PPM1L: variants seen among roughly 807,000 people sequenced by gnomAD.
The protein encoded by PPM1L is protein phosphatase, Mg2+/Mn2+ dependent 1L.
A neutral mutation model predicts 31.4 loss-of-function variants in PPM1L; 13 were observed. The observed-to-expected ratio is 0.41, with a 90% CI of 0.27 to 0.66. The LOEUF (loss-of-function observed/expected upper bound fraction) is 0.66. Ranked by LOEUF, PPM1L falls within the 30% of genes least tolerant of loss-of-function variation. The pLI, the probability that PPM1L is intolerant of heterozygous loss-of-function variation, is 0.29. For missense variants in PPM1L, 326 were observed against 453.7 expected (o/e 0.72, Z 2.56); for synonymous variants, 184 against 175.4 (o/e 1.05, Z -0.39).
chr3:161,016,192 G>C (rs971365014), intron 2 of PPM1L, among the ~76,000 whole-genome samples: 1 of 152,086 alleles, frequency 6.6e-6, no homozygotes, highest in Non-Finnish European at 1.5e-5. Context: ...TTGAGTGGAG[G>C]CATTCTATCT....
intron 1 of PPM1L, among the ~76,000 whole-genome samples, chr3:160,845,096 A>G (rs1344455916): frequency 2.6e-5 from 4 of 152,160 alleles, no homozygotes; most frequent in Admixed American, 2.0e-4. Flanking sequence ...TTCATTGCAG[A>G]ATAATATTCC....
At chr3:160,943,296 T>C (rs931839859) in intron 1 of PPM1L, among the ~76,000 whole-genome samples, 1 of 152,208 alleles carries the variant, frequency 6.6e-6, no homozygotes, top group Non-Finnish European at 1.5e-5. Context: ...TGTGCATTCT[T>C]TTTGAAAAAC....
chr3:160,762,975 A>G (rs997447663), intron 1 of PPM1L, among the ~76,000 whole-genome samples: 1 of 152,208 alleles, frequency 6.6e-6, no homozygotes, highest in Non-Finnish European at 1.5e-5. Context: ...ACTTCATATC[A>G]GCACCGGGAG....
chr3:160,905,712 A>G (rs1482830830), intron 1 of PPM1L, among the ~76,000 whole-genome samples: 1 of 152,192 alleles, frequency 6.6e-6, no homozygotes, highest in Non-Finnish European at 1.5e-5. Context: ...AAATACATCT[A>G]GCTTTTTATG....
chr3:161,014,132 A>T (rs1216902822), intron 2 of PPM1L, among the ~76,000 whole-genome samples: 1 of 152,064 alleles, frequency 6.6e-6, no homozygotes, highest in Non-Finnish European at 1.5e-5. Context: ...GGTCTTTACA[A>T]TTTTGCATGT....
chr3:160,869,810 A>C lies in PPM1L; in HGVS notation c.400-91926A>C, dbSNP rs576276620. Reference sequence around the variant, plus strand: ...CTTAAAAGATATTATTGCAAACATGACTGGGTATGGGAATGTTCTCTCCAG... The same window carrying C: ...CTTAAAAGATATTATTGCAAACATGCCTGGGTATGGGAATGTTCTCTCCAG... On this transcript the variant is annotated intron_variant, in intron 1 of 3. Transcript: ENST00000498165. Among the ~76,000 whole-genome samples, 490 of 152,142 alleles carry C rather than the reference A, an allele frequency of 3.2e-3. 2 individuals are homozygous for C. The highest frequency in any genetic ancestry group is 6.3e-3 in the Non-Finnish European group (428 of 68,004).
intron 1 of PPM1L, among the ~76,000 whole-genome samples, chr3:160,946,914 C>A (rs1311661926): frequency 2.0e-5 from 3 of 152,136 alleles, no homozygotes; most frequent in Non-Finnish European, 1.5e-5. Context: ...AAAATAATAT[C>A]TTTTCTGACT....
chr3:160,913,295 G>A (rs928624312), intron 1 of PPM1L, among the ~76,000 whole-genome samples: 2 of 152,096 alleles, frequency 1.3e-5, no homozygotes, highest in Non-Finnish European at 2.9e-5. Context: ...AGGAAATCTA[G>A]CCCACCTTGG....
intron 1 of PPM1L, among the ~76,000 whole-genome samples, chr3:160,765,816 C>T (rs142486050): frequency 3.7e-4 from 57 of 152,182 alleles, no homozygotes; most frequent in African/African-American, 1.1e-3. Flanking sequence ...ATTCAAGCTT[C>T]GACTTTTTTT....
chr3:160,800,011 A>G lies in PPM1L; in HGVS notation c.399+43304A>G, dbSNP rs537551097. On this transcript the variant is annotated intron_variant, in intron 1 of 3. Transcript: ENST00000498165. ...GGACACTACTTGGTCTGCATTTGGT[A>G]GTCAATAAACATTTGTTAAATGCAT... Among the ~76,000 whole-genome samples, 5 of 152,310 alleles carry G rather than the reference A, an allele frequency of 3.3e-5. No individual in the cohort carries two copies. In the East Asian group the frequency reaches 9.6e-4, roughly 29 times the overall value.
intron 2 of PPM1L, among the ~76,000 whole-genome samples, chr3:160,967,302 A>G (rs1716183684): frequency 6.6e-6 from 1 of 152,020 alleles, no homozygotes; most frequent in Non-Finnish European, 1.5e-5. Context: ...ATTTCTTCAT[A>G]GCAGTATGAA....
chr3:160,902,225 C>T (rs374107734), intron 1 of PPM1L, among the ~76,000 whole-genome samples: 123 of 152,168 alleles, frequency 8.1e-4, no homozygotes, highest in African/African-American at 2.9e-3. Flanking sequence ...TATGAATTTT[C>T]AGAGCCTCTT....
intron 1 of PPM1L, among the ~76,000 whole-genome samples, chr3:160,934,278 A>G (rs1714884959): frequency 6.6e-6 from 1 of 152,244 alleles, no homozygotes; most frequent in Non-Finnish European, 1.5e-5. Flanking sequence ...CTGTGACCAA[A>G]GTCAAATAAG....
intron 2 of PPM1L, among the ~76,000 whole-genome samples, chr3:160,988,360 A>G (rs1487277225): frequency 6.6e-6 from 1 of 152,210 alleles, no homozygotes; most frequent in African/African-American, 2.4e-5. Context: ...GACCTTAAGC[A>G]AAATCAAAAA....
At chr3:160,890,406 A>T (rs1242152680) in intron 1 of PPM1L, among the ~76,000 whole-genome samples, 1 of 152,282 alleles carries the variant, frequency 6.6e-6, no homozygotes, top group East Asian at 1.9e-4. Context: ...AAAGAGAATA[A>T]AATACCTAGG....
At chr3:160,790,450 A>G (rs1712071418) in intron 1 of PPM1L, among the ~76,000 whole-genome samples, 1 of 152,136 alleles carries the variant, frequency 6.6e-6, no homozygotes, top group Non-Finnish European at 1.5e-5. Flanking sequence ...ACAAGAGAAA[A>G]TAAGCTGGGG....
rs1438359374 is a variant in PPM1L at position 160,944,816 on chromosome 3, A to ATAACATATATGTTATATATAACATG, written c.400-16918_400-16917insACATATATGTTATATATAACATGTA. Among the ~76,000 whole-genome samples, 107 of 23,822 alleles carry ATAACATATATGTTATATATAACATG rather than the reference A, an allele frequency of 4.5e-3. 5 individuals carry two copies. The highest frequency in any genetic ancestry group is 0.01 in the African/African-American group (105 of 10,484). 15.6% of individuals were successfully genotyped at this position (23,822 alleles called of 152,430 possible). A position where few individuals can be genotyped will look rare whatever the true frequency, so the allele number is the denominator to read the frequency against. On this transcript the variant is annotated intron_variant, in intron 1 of 3. Coordinates refer to ENST00000498165, the MANE Select transcript of PPM1L (RefSeq NM_139245.4). ...GTTATATATAACATATATAACATAT[A>ATAACATATATGTTATATATAACATG]TATGTTATATATAACATATATATGT...
At chr3:160,855,510 C>T (rs1711661587) in intron 1 of PPM1L, among the ~76,000 whole-genome samples, 1 of 152,106 alleles carries the variant, frequency 6.6e-6, no homozygotes, top group South Asian at 2.1e-4. Flanking sequence ...CTGTAAGGAA[C>T]TTAAATTAAC....
intron 2 of PPM1L, among the ~76,000 whole-genome samples, chr3:161,059,466 A>G (rs1719511780): frequency 6.6e-6 from 1 of 152,176 alleles, no homozygotes; most frequent in Non-Finnish European, 1.5e-5. Context: ...TCCATTGTGT[A>G]CTGAACTGGG....
Sources: gnomAD v4.1 joint callset for allele counts (sites outside exome capture counted in the v4.1 genomes callset) on GRCh38, gnomAD v4.1.1 for gene constraint, MANE v1.5 for transcripts, NCBI Gene and HGNC (gene_info 2026-07-23, HGNC 2026-07-21) for gene names.